The following DSP variants were observed in gnomAD, a reference collection of about 807,000 sequenced individuals.
DSP encodes 250/210 kDa paraneoplastic pemphigus antigen.
A neutral mutation model predicts 290.6 loss-of-function variants in DSP; 114 were observed. The observed-to-expected ratio is 0.39, with a 90% CI of 0.34 to 0.46. The LOEUF (loss-of-function observed/expected upper bound fraction) is 0.46, where lower values mean the gene tolerates loss of function less well. Ranked by LOEUF, DSP falls within the 20% of genes least tolerant of loss-of-function variation. DSP has a pLI of 0.99. For synonymous variants in DSP, 1,311 were observed against 1,316.4 expected (o/e 1.00, Z 0.09); for missense variants, 3,230 against 3,495.8 (o/e 0.92, Z 1.92).
Position 7,584,338 on chromosome 6 carries a change from T to A in DSP, c.7076T>A (p.Ile2359Asn). The A allele has an allele frequency of 6.2e-7, 1 of 1,614,096 alleles. No homozygotes were observed. The highest frequency in any genetic ancestry group is 8.5e-7 in the Non-Finnish European group (1 of 1,180,020). The change falls in exon 24 of 24, where the codon ATC becomes AAC. Residue 2359 changes from isoleucine (I) to asparagine (N), a missense_variant. By Grantham distance (149) the Ile-to-Asn change is moderately radical. Around this residue, in one of 5 missense-constraint regions of DSP, gnomAD observed 207 missense variants for 281.2 expected, o/e 0.74. Coordinates refer to ENST00000379802, the MANE Select transcript of DSP (RefSeq NM_004415.4). This position sits in a 1 kb window ranked among gnomAD's most constrained non-coding sequence, Gnocchi z 6.4. Reference sequence around the variant, plus strand: ...TTCCAAGCCATGAATAAGGAACTCATCGAAAAGGGCCACGGTATTCGCTTA... The same window carrying A: ...TTCCAAGCCATGAATAAGGAACTCAACGAAAAGGGCCACGGTATTCGCTTA... ...SLFQAMNKEL[I>N]EKGHGIRLLE...
rs756784065 is a variant in DSP at position 7,580,794 on chromosome 6, T to C, written c.4604T>C (p.Leu1535Pro). The C allele has an allele frequency of 5.6e-6, 9 of 1,614,108 alleles. No individual in the cohort carries two copies. Among genetic ancestry groups the C allele is most frequent in the Non-Finnish European group, 7.6e-6 (9 of 1,180,034 alleles). The change falls in exon 23 of 24, where the codon CTG (leucine) becomes CCG (proline). Residue 1535 changes from leucine to proline, a missense_variant. Leu to Pro is a moderately conservative substitution (Grantham distance 98, BLOSUM62 -3). Around this residue, in one of 5 missense-constraint regions of DSP, gnomAD observed 1,714 missense variants for 1,844.5 expected, o/e 0.93. Transcript: ENST00000379802. This position sits in a 1 kb window ranked among gnomAD's most constrained non-coding sequence, Gnocchi z 4.2. ...INKLKVQEQE[L>P]TRLRIDYERV... The stretch of plus-strand genomic sequence containing the variant: ...AAACTGAAGGTTCAGGAGCAAGAAC[T>C]GACACGCCTGAGGATCGACTATGAA...
At chr6:7,570,624 C>A in intron 13 of DSP, 61 bp downstream of exon 13, 1 of 1,607,194 alleles carries the variant, frequency 6.2e-7, no homozygotes, top group South Asian at 1.1e-5. Context: ...CCCGCAGTGC[C>A]TGTGTCCAAC....
intron 1 of DSP, among the ~76,000 whole-genome samples, chr6:7,549,957 CT>C (rs1758285465): frequency 6.6e-6 from 1 of 152,036 alleles, no homozygotes; most frequent in Non-Finnish European, 1.5e-5. Flanking sequence ...TATAATGTCC[CT>C]CTTTGAAATA....
intron 15 of DSP, among the ~76,000 whole-genome samples, chr6:7,573,856 A>T (rs1393551537): frequency 6.6e-6 from 1 of 152,192 alleles, no homozygotes. Context: ...GACTACAGGT[A>T]GTAATCTTGT....
At chr6:7,572,189 C>A in intron 15 of DSP, 121 bp downstream of exon 15, 1 of 918,266 alleles carries the variant, frequency 1.1e-6, no homozygotes, top group Non-Finnish European at 1.7e-6. Context: ...AGAAAACAGG[C>A]TTCTGGCAGG....
rs139799237 is a variant in DSP, at chr6:7,576,437, G to A, written c.2774G>A (p.Arg925Gln). The A allele has an allele frequency of 2.3e-4, 377 of 1,614,046 alleles. 3 individuals are homozygous for A. In the Middle Eastern group the frequency reaches 5.3e-3, roughly 23 times the overall value. The change falls in exon 19 of 24, where the codon CGG becomes CAG. Residue 925 changes from arginine to glutamine, a missense_variant. Arg to Gln is a conservative substitution (Grantham distance 43, BLOSUM62 1). This residue lies in a region of DSP where 1,714 missense variants were observed against 1,844.5 expected (regional missense o/e 0.93). Coordinates refer to ENST00000379802, the MANE Select transcript of DSP (RefSeq NM_004415.4). ...TTTGGAGATTCCAACACAGTCATGC[G>A]GTTTTTGAATGAGCAGAAGGTATAA... is the stretch of plus-strand genomic sequence containing the variant. ...MKFGDSNTVM[R>Q]FLNEQKNLHS...
At position 7,567,848 on chromosome 6, in the gene DSP, ACCCCTGCGACAAGAACATG is replaced by A; in HGVS notation, c.1216_1234del (p.Asp406SerfsTer28). On this transcript the variant is annotated frameshift_variant, in exon 10 of 24. Coordinates refer to ENST00000379802, the MANE Select transcript of DSP (RefSeq NM_004415.4). LOFTEE classifies it high-confidence loss of function. ...CTCCAGGACTCCATCAGGAAGAAGT[ACCCCTGCGACAAGAACATG>A]CCCCTGCAGCACCTGCTGGAACAGA... The A allele has an allele frequency of 6.2e-7, 1 of 1,614,054 alleles. No individual in the cohort carries two copies. Among genetic ancestry groups the A allele is most frequent in the Non-Finnish European group, 8.5e-7 (1 of 1,179,994 alleles).
At position 7,579,811 on chromosome 6, in the gene DSP, G is replaced by A; in HGVS notation, c.3621G>A (p.Arg1207=). ...NHYNEEMSNL[R]NKYETEINIT... ...ATAATGAGGAGATGAGTAATTTAAG[G>A]AACAAGTATGAAACAGAGATTAACA... The change falls in exon 23 of 24, where the codon AGG becomes AGA. Residue 1207 remains arginine, a synonymous_variant. Transcript: ENST00000379802. The surrounding 1 kb of genome is among the most constrained non-coding windows in gnomAD (Gnocchi z 4.1). 1 of 1,613,986 alleles carries A rather than the reference G, an allele frequency of 6.2e-7. No individual in the cohort carries two copies. The highest frequency in any genetic ancestry group is 1.1e-5 in the South Asian group (1 of 91,066).
At chr6:7,545,413 G>A (rs920811436) in intron 1 of DSP, among the ~76,000 whole-genome samples, 1 of 152,152 alleles carries the variant, frequency 6.6e-6, no homozygotes, top group African/African-American at 2.4e-5. Context: ...ATCCACTTAG[G>A]GCTGGGTTGG....
chr6:7,571,760 G>T, intron 14 of DSP, 82 bp from the exon 15 acceptor site: 1 of 1,516,198 alleles, frequency 6.6e-7, no homozygotes, highest in Non-Finnish European at 9.1e-7. Context: ...TATACTTTTA[G>T]GTAGTATGGA....
intron 4 of DSP, among the ~76,000 whole-genome samples, chr6:7,560,708 C>T (rs887012503): frequency 6.6e-5 from 10 of 152,126 alleles, no homozygotes; most frequent in African/African-American, 9.7e-5. Context: ...GAAGACATAG[C>T]GGAGCTGATG....
chr6:7,584,631 C>T lies in DSP; in HGVS notation c.7369C>T (p.Gln2457Ter). 1.2e-6 allele frequency: 2 copies of T among 1,614,112 alleles called. No homozygotes were observed. The highest frequency in any genetic ancestry group is 1.7e-6 in the Non-Finnish European group (2 of 1,180,008). Residue 2457 changes from glutamine (Q) to a stop codon, truncating the protein, a stop_gained, in exon 24 of 24, where the codon CAA (glutamine) becomes TAA (stop). Transcript: ENST00000379802. LOFTEE classifies it high-confidence loss of function. The surrounding 1 kb of genome is among the most constrained non-coding windows in gnomAD (Gnocchi z 6.4). ...AAAGAAGAAACAGGTGCAGACATCA[C>T]AAAAGAATACCCTCAGGAAGCGTAG... is the stretch of plus-strand genomic sequence containing the variant. ...KEKKKQVQTS[Q>*]KNTLRKRRVV...
intron 11 of DSP, 78 bp downstream of exon 11, chr6:7,568,667 T>A: frequency 6.7e-7 from 1 of 1,496,942 alleles, no homozygotes; most frequent in Non-Finnish European, 9.2e-7. Flanking sequence ...AAAGCAACAT[T>A]TAATCTAGAG....
chr6:7,582,700 A>G lies in DSP; in HGVS notation c.5438A>G (p.Glu1813Gly). 1.2e-6 allele frequency: 2 copies of G among 1,613,668 alleles called. No individual in the cohort carries two copies. Among genetic ancestry groups the G allele is most frequent in the Non-Finnish European group, 1.7e-6 (2 of 1,179,846 alleles). The change falls in exon 24 of 24, where the codon GAG (glutamate) becomes GGG (glycine). Residue 1813 changes from glutamate to glycine, a missense_variant. This residue lies in a region of DSP where 1,714 missense variants were observed against 1,844.5 expected (regional missense o/e 0.93). Coordinates refer to ENST00000379802, the MANE Select transcript of DSP (RefSeq NM_004415.4). The surrounding 1 kb of genome is among the most constrained non-coding windows in gnomAD (Gnocchi z 4.2). ...TGTACTCAGGTGGTACAGGAAAGAG[A>G]GAGCCTTCTGGTGAAAATCAAAGTC... ...NQCTQVVQER[E>G]SLLVKIKVLE...
In DSP at chr6:7,577,975, T is replaced by G. The variant is rs1759297740; in HGVS notation, c.2985+89T>G. The G allele has an allele frequency of 1.3e-5, 14 of 1,054,648 alleles. 2 individuals carry two copies. The South Asian group carries it at 1.8e-4, about 14-fold the overall frequency. 65.3% of individuals were successfully genotyped at this position (1,054,648 alleles called of 1,614,324 possible). Reference sequence around the variant, plus strand: ...TCTCCTGCCTCTTCCCTTTTCCCTGTCTCCTGCCTGTCTTCCTTACCATTG... The same window carrying G: ...TCTCCTGCCTCTTCCCTTTTCCCTGGCTCCTGCCTGTCTTCCTTACCATTG... On this transcript the variant is annotated intron_variant, in intron 21 of 23. Coordinates refer to ENST00000379802, the MANE Select transcript of DSP (RefSeq NM_004415.4).
intron 4 of DSP, among the ~76,000 whole-genome samples, chr6:7,561,180 C>T (rs908322846): frequency 6.6e-6 from 1 of 152,190 alleles, no homozygotes; most frequent in Non-Finnish European, 1.5e-5. Context: ...TCTCGAACTC[C>T]TGACCTTGTG....
intron 1 of DSP, among the ~76,000 whole-genome samples, chr6:7,543,099 G>A (rs569302438): frequency 6.6e-6 from 1 of 152,200 alleles, no homozygotes; most frequent in Non-Finnish European, 1.5e-5. Flanking sequence ...CTTTGACCGG[G>A]TCTCGGGAGC....
chr6:7,562,372 G>GT (rs1561683391), intron 4 of DSP, among the ~76,000 whole-genome samples: 39 of 133,536 alleles, frequency 2.9e-4, no homozygotes, highest in African/African-American at 9.6e-4. Flanking sequence ...AGGTAGATTT[G>GT]GTTTTTTTTT....
rs1413578599 is a variant in DSP at position 7,569,218 on chromosome 6, G to A, written c.1452G>A (p.Leu484=). 5 of 1,614,106 alleles carry A rather than the reference G, an allele frequency of 3.1e-6. No homozygotes were observed. In the Admixed American group the frequency reaches 8.3e-5, roughly 27 times the overall value. Residue 484 remains leucine (L), a synonymous_variant, in exon 12 of 24, where the codon CTG becomes CTA. Transcript: ENST00000379802. ...TGCATAAGGGGGATGAGTGTATCCT[G>A]AAGGACAACAACGAGCGCAGCAAGT... The part of the protein sequence containing the change: ...KIVHKGDECI[L]KDNNERSKWY...
Sources: allele counts gnomAD v4.1 joint callset (sites outside exome capture counted in the v4.1 genomes callset), GRCh38; gene constraint gnomAD v4.1.1; regional missense constraint gnomAD v4.1.1; non-coding constraint Gnocchi (gnomAD v3.1); transcripts MANE v1.5; gene names NCBI Gene and HGNC (gene_info 2026-07-23, HGNC 2026-07-21).